The following AGAP3 variants were observed in gnomAD, a reference collection of about 807,000 sequenced individuals.
AGAP3 encodes the protein arf-GAP with GTPase, ANK repeat and PH domain-containing protein 3.
In AGAP3, 24 loss-of-function variants were observed where a neutral mutation model predicts 96.9. The ratio of observed to expected loss-of-function variants is 0.25; its 90% CI spans 0.18 to 0.35. AGAP3 has a LOEUF of 0.35. Ranked by LOEUF, AGAP3 falls within the 10% of genes least tolerant of loss-of-function variation. The pLI, the probability that AGAP3 is intolerant of heterozygous loss-of-function variation, is 1.00. For synonymous variants in AGAP3, 563 were observed against 536.1 expected (o/e 1.05, Z -0.69); for missense variants, 876 against 1,254.2 (o/e 0.70, Z 4.55).
At chr7:151,115,547 C>T (rs1023751306) in intron 1 of AGAP3, 3 of 1,102,774 alleles carry the variant, frequency 2.7e-6, no homozygotes, top group African/African-American at 1.7e-5. Flanking sequence ...GGAGGCTGCT[C>T]ACGAGCCGCT....
At chr7:151,089,877 G>C (rs2150401684) in intron 1 of AGAP3, 1 of 152,290 alleles carries the variant, frequency 6.6e-6, no homozygotes, top group East Asian at 1.9e-4. Context: ...CTCACTAGTG[G>C]GGAAACTGAG....
rs551071579 is a variant in AGAP3 at position 151,087,260 on chromosome 7, G to A, written c.331+188G>A. 3 of 650,174 alleles carry A rather than the reference G, an allele frequency of 4.6e-6. No individual in the cohort carries two copies. The African/African-American group carries it at 5.5e-5, about 12-fold the overall frequency. The allele number at this position is 650,174 out of a possible 1,614,324, so 40.3% of individuals were successfully genotyped here. A position where few individuals can be genotyped will look rare whatever the true frequency, so the allele number is the denominator to read the frequency against. On this transcript the variant is annotated intron_variant, in intron 1 of 17. Coordinates refer to ENST00000397238, the MANE Select transcript of AGAP3 (RefSeq NM_031946.7). ...GCAGCTTCGCCATATCTCGTTCGGG[G>A]ACACTTTGGGGTTGGGGGTTTTCTG...
In AGAP3 at chr7:151,142,743, C is replaced by CT; in HGVS notation, c.2273+110dup. ...ATGGTATTAGAAGGGTTAAAACTGT[C>CT]TGTTGCTCTGCTTGGCAGTTGGCCC... On this transcript the variant is annotated intron_variant, in intron 16 of 17. Transcript: ENST00000397238. The surrounding 1 kb of genome is among the most constrained non-coding windows in gnomAD (Gnocchi z 7.5). 8.2e-7 allele frequency: 1 copy of CT among 1,214,384 alleles called. No homozygotes were observed. Among genetic ancestry groups the CT allele is most frequent in the Non-Finnish European group, 1.1e-6 (1 of 875,760 alleles). 75.2% of individuals were successfully genotyped at this position (1,214,384 alleles called of 1,614,324 possible).
rs745625267 is a variant in AGAP3 at position 151,128,570 on chromosome 7, C to G, written c.1222-10C>G. 4.3e-6 allele frequency: 7 copies of G among 1,613,246 alleles called. No individual in the cohort carries two copies. Among genetic ancestry groups the G allele is most frequent in the Non-Finnish European group, 5.9e-6 (7 of 1,179,564 alleles). ...TGGCTCCTGGTTTCTGATCAGACCT[C>G]TGTTCTCAGGGGATCCTGCTAAAGC... On this transcript the variant is annotated splice_polypyrimidine_tract_variant and intron_variant, in intron 9 of 17. Transcript: ENST00000397238.
Position 151,096,409 on chromosome 7 carries a change from T to C in AGAP3, c.331+9337T>C, listed in dbSNP as rs1433904875. ...CATCTTTGATGTTTTGCCTGTTGTT[T>C]TTTTCTCTGATTCAGCACTGTGCAG... On this transcript the variant is annotated intron_variant, in intron 1 of 17. Coordinates refer to ENST00000397238, the MANE Select transcript of AGAP3 (RefSeq NM_031946.7). This position sits in a 1 kb window ranked among gnomAD's most constrained non-coding sequence, Gnocchi z 4.4. Among the ~76,000 whole-genome samples, 1 of 152,142 alleles carries C rather than the reference T, an allele frequency of 6.6e-6. No homozygotes were observed. Among genetic ancestry groups the C allele is most frequent in the African/African-American group, 2.4e-5 (1 of 41,430 alleles).
chr7:151,116,659 T>C (rs1799597579), intron 1 of AGAP3, 134 bp from the exon 2 acceptor site: 1 of 921,432 alleles, frequency 1.1e-6, no homozygotes, highest in African/African-American at 1.6e-5. Flanking sequence ...GGGTGAGGGT[T>C]GGGGGTCCCG....
At chr7:151,107,477 C>T (rs1358455462) in intron 1 of AGAP3, among the ~76,000 whole-genome samples, 4 of 151,658 alleles carry the variant, frequency 2.6e-5, no homozygotes, top group Admixed American at 2.0e-4. Context: ...AATACTAAAC[C>T]TAGCTGGGCG....
chr7:151,132,611 C>T (rs1800443852), intron 10 of AGAP3, among the ~76,000 whole-genome samples: 1 of 152,210 alleles, frequency 6.6e-6, no homozygotes, highest in Non-Finnish European at 1.5e-5. Context: ...TCGGCGAGAC[C>T]CACAGGGCTG....
At chr7:151,087,760 C>T (rs1383945262) in intron 1 of AGAP3, among the ~76,000 whole-genome samples, 1 of 148,714 alleles carries the variant, frequency 6.7e-6, no homozygotes, top group Non-Finnish European at 1.5e-5. Context: ...CACCCGGAGT[C>T]GGGGACCGGA....
intron 1 of AGAP3, 191 bp from the exon 2 acceptor site, chr7:151,116,602 T>C (rs1799594919): frequency 1.6e-6 from 1 of 637,986 alleles, no homozygotes; most frequent in Non-Finnish European, 2.8e-6. Context: ...CCATCCTTAC[T>C]CTGCTTCACT....
rs776680539 is a variant in AGAP3 at position 151,142,287 on chromosome 7, G to T, written c.2050+34G>T. 6.2e-7 allele frequency: 1 copy of T among 1,608,846 alleles called. No individual in the cohort carries two copies. The highest frequency in any genetic ancestry group is 1.7e-5 in the Admixed American group (1 of 59,918). On this transcript the variant is annotated intron_variant, in intron 15 of 17. Transcript: ENST00000397238. The surrounding 1 kb of genome is among the most constrained non-coding windows in gnomAD (Gnocchi z 7.5). ...AAGGCTGGTGGGGCTGGGAGCTGGG[G>T]ATGGCCCAGGGAAAGCTTCGCAAGC...
intron 8 of AGAP3, chr7:151,120,980 C>T (rs1799855586): frequency 4.1e-6 from 2 of 487,084 alleles, no homozygotes; most frequent in Non-Finnish European, 5.5e-6. Flanking sequence ...GGTGAACCCC[C>T]GTGTGGGTTG....
chr7:151,133,419 G>GGC lies in AGAP3; in HGVS notation c.1327-981_1327-980insGC, dbSNP rs1413597555. 2.6e-5 allele frequency among the ~76,000 whole-genome samples: 4 copies of GGC among 152,142 alleles called. No individual in the cohort carries two copies. Among genetic ancestry groups the GGC allele is most frequent in the Non-Finnish European group, 5.9e-5 (4 of 68,008 alleles). ...CAGCGGGGCTCCAGGCCAGGAAGCG[G>GGC]CAGGCTCCCACCCTCCCTCCCTGCA... On this transcript the variant is annotated intron_variant, in intron 10 of 17. Coordinates refer to ENST00000397238, the MANE Select transcript of AGAP3 (RefSeq NM_031946.7). The surrounding 1 kb of genome is among the most constrained non-coding windows in gnomAD (Gnocchi z 5.4).
At chr7:151,123,972 G>T (rs1800045590) in intron 9 of AGAP3, 86 bp downstream of exon 9, 1 of 1,355,100 alleles carries the variant, frequency 7.4e-7, no homozygotes, top group South Asian at 1.2e-5. Context: ...TCAGGCCTCT[G>T]TGATGGGGGA....
At chr7:151,115,130 G>A in intron 1 of AGAP3, 3 of 1,039,654 alleles carry the variant, frequency 2.9e-6, no homozygotes, top group Non-Finnish European at 3.5e-6. Flanking sequence ...AGCCGACTCC[G>A]CGGCCCCGGC....
intron 11 of AGAP3, among the ~76,000 whole-genome samples, chr7:151,134,937 A>G (rs1800536466): frequency 6.6e-6 from 1 of 151,994 alleles, no homozygotes; most frequent in South Asian, 2.1e-4. Flanking sequence ...GAGATAGGGG[A>G]GGTGGAAGGG....
chr7:151,114,640 G>C lies in AGAP3; in HGVS notation c.332-2153G>C. The C allele has an allele frequency of 1.1e-6, 1 of 877,682 alleles. No individual in the cohort carries two copies. Among genetic ancestry groups the C allele is most frequent in the Non-Finnish European group, 1.4e-6 (1 of 729,906 alleles). The allele number at this position is 877,682 out of a possible 1,614,324, so 54.4% of individuals were successfully genotyped here. On this transcript the variant is annotated intron_variant, in intron 1 of 17. Transcript: ENST00000397238. This position sits in a 1 kb window ranked among gnomAD's most constrained non-coding sequence, Gnocchi z 4.4. Reference sequence around the variant, plus strand: ...GGCTTGCCGGCCGCGAGGTGGAGGAGTTGAGGGACTCGGTCGGCCCACACC... The same window carrying C: ...GGCTTGCCGGCCGCGAGGTGGAGGACTTGAGGGACTCGGTCGGCCCACACC...
intron 1 of AGAP3, among the ~76,000 whole-genome samples, chr7:151,102,954 C>T (rs547449566): frequency 6.6e-6 from 1 of 152,228 alleles, no homozygotes; most frequent in East Asian, 1.9e-4. Context: ...TGGTGTTACA[C>T]ACCTGTAGTC....
Position 151,117,020 on chromosome 7 carries a change from T to G in AGAP3, c.391-75T>G, listed in dbSNP as rs1053241142. On this transcript the variant is annotated intron_variant, in intron 2 of 17. Transcript: ENST00000397238. ...CCTGGCCTTTCTCCCTCCTGCTGCT[T>G]CTTTGCTTTTCCTGCTGGGTCTTCT... 1.5e-4 allele frequency: 230 copies of G among 1,522,626 alleles called. 1 individual carries two copies. Among genetic ancestry groups the G allele is most frequent in the Middle Eastern group, 1.7e-4 (1 of 5,856 alleles). The allele number at this position is 1,522,626 out of a possible 1,614,324, so 94.3% of individuals were successfully genotyped here. A position where few individuals can be genotyped will look rare whatever the true frequency, so the allele number is the denominator to read the frequency against.
Sources: allele counts gnomAD v4.1 joint callset (sites outside exome capture counted in the v4.1 genomes callset), GRCh38; gene constraint gnomAD v4.1.1; non-coding constraint Gnocchi (gnomAD v3.1); transcripts MANE v1.5; gene names NCBI Gene and HGNC (gene_info 2026-07-23, HGNC 2026-07-21).